The following VPS35L variants were observed in gnomAD, a reference collection of about 807,000 sequenced individuals.
VPS35L encodes the protein VPS35 endosomal protein-sorting factor-like.
VPS35L carries 83 observed loss-of-function variants against 133.0 expected under a neutral mutation model. The observed-to-expected ratio is 0.62, with a 90% CI of 0.52 to 0.75. The LOEUF is 0.75. Among genes scored for constraint, VPS35L ranks in the 30% least tolerant of loss-of-function variants. The pLI, the probability that VPS35L is intolerant of heterozygous loss-of-function variation, is 0.00. For synonymous variants in VPS35L, 423 were observed against 449.9 expected (o/e 0.94, Z 0.76); for missense variants, 1,083 against 1,206.8 (o/e 0.90, Z 1.52).
intron 27 of VPS35L, among the ~76,000 whole-genome samples, chr16:19,678,956 T>C (rs1975160253): frequency 6.6e-6 from 1 of 152,192 alleles, no homozygotes; most frequent in African/African-American, 2.4e-5. Flanking sequence ...TACCACCTTT[T>C]TGACAGTGTG....
chr16:19,646,563 G>T (rs1356453759), intron 23 of VPS35L, among the ~76,000 whole-genome samples: 2 of 152,072 alleles, frequency 1.3e-5, no homozygotes, highest in African/African-American at 4.8e-5. Flanking sequence ...TACTCGGGAG[G>T]CTGAGGCAGG....
At chr16:19,626,092 G>A (rs751184552) in intron 14 of VPS35L, 85 bp from the exon 15 acceptor site, 24 of 836,244 alleles carry the variant, frequency 2.9e-5, no homozygotes, top group Non-Finnish European at 3.9e-5. Flanking sequence ...ATTCATTTTA[G>A]AGTTCGACTT....
chr16:19,637,712 A>G lies in VPS35L; in HGVS notation c.1698+56A>G, dbSNP rs562418930. ...ATTTGTACCTGGCTCAGAGGTTCTC[A>G]TTGTCTCAGTAATGTTTTCATGATG... On this transcript the variant is annotated intron_variant, in intron 20 of 30. Transcript: ENST00000417362. 241 of 1,252,754 alleles carry G rather than the reference A, an allele frequency of 1.9e-4. 1 individual carries two copies. The East Asian group carries it at 5.3e-3, about 28-fold the overall frequency. 77.6% of individuals were successfully genotyped at this position (1,252,754 alleles called of 1,614,324 possible).
intron 9 of VPS35L, among the ~76,000 whole-genome samples, chr16:19,603,751 G>A (rs1243246602): frequency 6.6e-6 from 1 of 152,136 alleles, no homozygotes; most frequent in East Asian, 1.9e-4. Context: ...TTATTTTTGA[G>A]ATGGAGTTTC....
At chr16:19,692,780 C>G (rs547090598) in intron 29 of VPS35L, among the ~76,000 whole-genome samples, 1 of 152,298 alleles carries the variant, frequency 6.6e-6, no homozygotes, top group East Asian at 1.9e-4. Context: ...CCAGGCTGGT[C>G]TCGAATTCCT....
intron 27 of VPS35L, among the ~76,000 whole-genome samples, chr16:19,675,529 A>AT (rs1004796761): frequency 7.9e-5 from 12 of 151,732 alleles, no homozygotes; most frequent in African/African-American, 2.7e-4. Context: ...TCTATTTTTA[A>AT]TTTTTTTAGG....
At chr16:19,573,487 G>C (rs1971444995) in intron 4 of VPS35L, 1 of 349,428 alleles carries the variant, frequency 2.9e-6, no homozygotes, top group African/African-American at 2.1e-5. Context: ...GAAAGAATTA[G>C]AACAGCAGAG....
chr16:19,601,672 G>C lies in VPS35L; in HGVS notation c.733G>C (p.Val245Leu). The change falls in exon 9 of 31, where the codon GTG (valine) becomes CTG (leucine). Residue 245 changes from valine (V) to leucine (L), a missense_variant. Val to Leu is a conservative substitution (Grantham distance 32). Transcript: ENST00000417362. ...TDILDTFGKL[V>L]YERIFSMCVD... ...TGTCCTTTTCCTCCCAGGAAAGCTC[G>C]TGTACGAGCGCATCTTTTCCATGTG... 2 of 1,614,118 alleles carry C rather than the reference G, an allele frequency of 1.2e-6. No individual in the cohort carries two copies. Among genetic ancestry groups the C allele is most frequent in the Non-Finnish European group, 1.7e-6 (2 of 1,180,012 alleles).
chr16:19,575,182 T>A, intron 5 of VPS35L, 60 bp downstream of exon 5: 1 of 1,523,982 alleles, frequency 6.6e-7, no homozygotes, highest in Non-Finnish European at 9.0e-7. Context: ...TAGTATAATT[T>A]TACAAAGGAA....
At chr16:19,647,666 G>A in intron 23 of VPS35L, 118 bp from the exon 24 acceptor site, 1 of 811,180 alleles carries the variant, frequency 1.2e-6, no homozygotes, top group Non-Finnish European at 2.1e-6. Context: ...TTAGGTTCTA[G>A]TCCAGTGCCC....
intron 27 of VPS35L, among the ~76,000 whole-genome samples, chr16:19,669,727 A>G (rs141766008): frequency 2.4e-4 from 36 of 151,188 alleles, no homozygotes; most frequent in African/African-American, 8.3e-4. Flanking sequence ...CTGTAGTGCA[A>G]TGGCATGATC....
intron 9 of VPS35L, among the ~76,000 whole-genome samples, chr16:19,604,203 T>C (rs946699539): frequency 3.3e-5 from 5 of 151,978 alleles, no homozygotes; most frequent in African/African-American, 1.2e-4. Context: ...CCTATTGTTA[T>C]ATACCCAACC....
intron 1 of VPS35L, among the ~76,000 whole-genome samples, chr16:19,557,038 A>C (rs940393444): frequency 2.0e-5 from 3 of 152,182 alleles, no homozygotes; most frequent in Admixed American, 2.0e-4. Context: ...AGGGTGAGGC[A>C]GGAGAGTCGC....
At position 19,633,099 on chromosome 16, in the gene VPS35L, A is replaced by G. The variant is rs987827600; in HGVS notation, c.1562A>G (p.Glu521Gly). 4.3e-6 allele frequency: 7 copies of G among 1,614,016 alleles called. No homozygotes were observed. In the African/African-American group the frequency reaches 6.7e-5, roughly 15 times the overall value. ...EYTCKHFTKR[E>G]VNTVLADVIK... ...TTCCTTTTTCCTGCTTAGAAACGAG[A>G]GGTGAATACCGTTTTGGCAGATGTC... Residue 521 changes from glutamate to glycine, a missense_variant, in exon 19 of 31, where the codon GAG (glutamate) becomes GGG (glycine). By Grantham distance (98) the Glu-to-Gly change is moderately conservative. Transcript: ENST00000417362. The surrounding 1 kb of genome is among the most constrained non-coding windows in gnomAD (Gnocchi z 4.1).
intron 27 of VPS35L, among the ~76,000 whole-genome samples, chr16:19,670,181 T>C (rs1383578874): frequency 6.6e-6 from 1 of 152,214 alleles, no homozygotes; most frequent in Non-Finnish European, 1.5e-5. Flanking sequence ...TTTTGAGCAA[T>C]TGGTCCTCTG....
chr16:19,598,779 G>A (rs973811701), intron 8 of VPS35L, among the ~76,000 whole-genome samples: 5 of 135,564 alleles, frequency 3.7e-5, no homozygotes, highest in African/African-American at 1.4e-4. Context: ...GCAAGATTCT[G>A]TCTCTTAAAA....
At chr16:19,660,809 A>T (rs962361830) in intron 26 of VPS35L, among the ~76,000 whole-genome samples, 1 of 152,160 alleles carries the variant, frequency 6.6e-6, no homozygotes, top group Non-Finnish European at 1.5e-5. Context: ...GACTTTCACT[A>T]TAAAAATTCA....
In VPS35L at chr16:19,610,347, T is replaced by C. The variant is rs1972674146; in HGVS notation, c.955T>C (p.Leu319=). 2 of 1,614,176 alleles carry C rather than the reference T, an allele frequency of 1.2e-6. No homozygotes were observed. Among genetic ancestry groups the C allele is most frequent in the Non-Finnish European group, 8.5e-7 (1 of 1,180,026 alleles). Reference sequence around the variant, plus strand: ...GGGAATTTCAGAGTGCCTGCCCCGGTTGACATGCATGATCAGAGGGATCGG... The same window carrying C: ...GGGAATTTCAGAGTGCCTGCCCCGGCTGACATGCATGATCAGAGGGATCGG... The part of the protein sequence containing the change: ...KTGISECLPR[L]TCMIRGIGDP... The change falls in exon 12 of 31, where the codon TTG becomes CTG. Residue 319 remains leucine, a synonymous_variant. Coordinates refer to ENST00000417362, the MANE Select transcript of VPS35L (RefSeq NM_020314.7).
intron 26 of VPS35L, among the ~76,000 whole-genome samples, chr16:19,659,406 A>G (rs572604158): frequency 1.3e-5 from 2 of 152,318 alleles, no homozygotes; most frequent in South Asian, 2.1e-4. Context: ...AGTAATTTAT[A>G]TGTCCCAAGT....
Sources: gnomAD v4.1 joint callset for allele counts (sites outside exome capture counted in the v4.1 genomes callset) on GRCh38, gnomAD v4.1.1 for gene constraint, Gnocchi (gnomAD v3.1) non-coding constraint, MANE v1.5 for transcripts, NCBI Gene and HGNC (gene_info 2026-07-23, HGNC 2026-07-21) for gene names.